The following CCDC6 variants were observed in gnomAD, a reference collection of about 807,000 sequenced individuals.
CCDC6 encodes coiled-coil domain-containing protein 6.
Under a neutral mutation model 56.6 loss-of-function variants are expected in CCDC6, and 20 were observed. The ratio of observed to expected loss-of-function variants is 0.35; its 90% CI spans 0.25 to 0.51. CCDC6 has a LOEUF of 0.51. CCDC6 is among the 20% of genes least tolerant of loss of function. CCDC6 has a pLI of 0.95. For missense variants in CCDC6, 367 were observed against 601.1 expected (o/e 0.61, Z 4.07); for synonymous variants, 241 against 234.4 (o/e 1.03, Z -0.26).
chr10:59,862,516 T>TACACACACAC lies in CCDC6; in HGVS notation c.304-9824_304-9815dup, dbSNP rs60162547. Among the ~76,000 whole-genome samples, 7 of 97,202 alleles carry TACACACACAC rather than the reference T, an allele frequency of 7.2e-5. 1 individual carries two copies. The highest frequency in any genetic ancestry group is 2.9e-4 in the East Asian group (1 of 3,504). 63.8% of individuals were successfully genotyped at this position (97,202 alleles called of 152,430 possible). ...AAAAAAAAAAGTATATATATATATA[T>TACACACACAC]ACACACACACACACACACACACACA... On this transcript the variant is annotated intron_variant, in intron 1 of 8. Transcript: ENST00000263102.
At chr10:59,877,995 G>C (rs1821088552) in intron 1 of CCDC6, among the ~76,000 whole-genome samples, 1 of 152,128 alleles carries the variant, frequency 6.6e-6, no homozygotes, top group South Asian at 2.1e-4. Context: ...TGTTAAGAGG[G>C]TACACAACTA....
At chr10:59,872,786 GT>G (rs62977560) in intron 1 of CCDC6, among the ~76,000 whole-genome samples, 64,566 of 137,216 alleles carry the variant, frequency 0.47, 16,938 homozygotes, top group East Asian at 0.72. Flanking sequence ...AGATGGGGGG[GT>G]GGGGGAAGGT....
intron 7 of CCDC6, among the ~76,000 whole-genome samples, chr10:59,796,142 T>C (rs189320288): frequency 3.4e-4 from 52 of 152,300 alleles, no homozygotes; most frequent in African/African-American, 1.2e-3. Flanking sequence ...GCACCTGTTG[T>C]TTCCTGACTT....
At chr10:59,877,980 G>GT (rs2071299103) in intron 1 of CCDC6, among the ~76,000 whole-genome samples, 1 of 152,182 alleles carries the variant, frequency 6.6e-6, no homozygotes, top group Non-Finnish European at 1.5e-5. Flanking sequence ...AAAAATACTT[G>GT]AAAGTGTTAA....
At chr10:59,882,022 GCC>G (rs1270098795) in intron 1 of CCDC6, among the ~76,000 whole-genome samples, 2 of 62,688 alleles carry the variant, frequency 3.2e-5, no homozygotes, top group Non-Finnish European at 6.2e-5. Flanking sequence ...GGAAAGGAAA[GCC>G]GCGGGGAGAA....
chr10:59,826,573 C>T (rs2070789244), intron 3 of CCDC6, among the ~76,000 whole-genome samples: 3 of 152,288 alleles, frequency 2.0e-5, no homozygotes, highest in South Asian at 4.1e-4. Context: ...AGGCCAGGGA[C>T]CTCCCATCAT....
intron 2 of CCDC6, among the ~76,000 whole-genome samples, chr10:59,837,705 C>G (rs569746195): frequency 7.2e-4 from 98 of 136,922 alleles, no homozygotes; most frequent in Admixed American, 1.7e-3. Context: ...GAGATCGCAC[C>G]ACTGCACTCT....
chr10:59,902,241 T>A (rs1013396915), intron 1 of CCDC6, among the ~76,000 whole-genome samples: 1 of 152,174 alleles, frequency 6.6e-6, no homozygotes, highest in African/African-American at 2.4e-5. Flanking sequence ...GCCGCTTACA[T>A]ACCAGAAGAG....
At chr10:59,798,124 C>T (rs1485896301) in intron 7 of CCDC6, among the ~76,000 whole-genome samples, 1 of 152,166 alleles carries the variant, frequency 6.6e-6, no homozygotes, top group Non-Finnish European at 1.5e-5. Context: ...ACCACAATAC[C>T]TTGCACAGGG....
chr10:59,798,754 G>A (rs1335649988), intron 7 of CCDC6, among the ~76,000 whole-genome samples: 1 of 152,132 alleles, frequency 6.6e-6, no homozygotes, highest in Non-Finnish European at 1.5e-5. Flanking sequence ...CACCACTTTG[G>A]GAGGCTGAGG....
chr10:59,855,350 G>A (rs993265046), intron 1 of CCDC6, among the ~76,000 whole-genome samples: 6 of 152,276 alleles, frequency 3.9e-5, no homozygotes, highest in Admixed American at 6.5e-5. Flanking sequence ...GGTGGATCAC[G>A]AGGTCAGGAG....
At chr10:59,844,426 T>TA (rs55710616) in intron 2 of CCDC6, among the ~76,000 whole-genome samples, 53,770 of 139,078 alleles carry the variant, frequency 0.39, 11,204 homozygotes, top group African/African-American at 0.55. Flanking sequence ...GGAGGAATAT[T>TA]AAAAAAAAAA....
At chr10:59,889,529 T>A (rs1227298724) in intron 1 of CCDC6, among the ~76,000 whole-genome samples, 1 of 152,116 alleles carries the variant, frequency 6.6e-6, no homozygotes, top group African/African-American at 2.4e-5. Context: ...CCAAACACAG[T>A]CAGTTCCATA....
intron 7 of CCDC6, among the ~76,000 whole-genome samples, chr10:59,803,908 T>C (rs2070597328): frequency 6.6e-6 from 1 of 152,210 alleles, no homozygotes; most frequent in African/African-American, 2.4e-5. Context: ...TTTAAACAGA[T>C]AGGCCCTGCC....
At chr10:59,832,012 A>G (rs2070839133) in intron 3 of CCDC6, among the ~76,000 whole-genome samples, 1 of 152,244 alleles carries the variant, frequency 6.6e-6, no homozygotes, top group Non-Finnish European at 1.5e-5. Context: ...AGGTCATACA[A>G]TCAGTCAGTG....
intron 1 of CCDC6, among the ~76,000 whole-genome samples, chr10:59,897,630 T>G (rs185032841): frequency 6.6e-6 from 1 of 152,258 alleles, no homozygotes; most frequent in East Asian, 1.9e-4. Context: ...TATATGAAAC[T>G]CCAGGTATAA....
intron 1 of CCDC6, among the ~76,000 whole-genome samples, chr10:59,903,883 T>C (rs1255493503): frequency 1.3e-5 from 2 of 152,142 alleles, no homozygotes; most frequent in African/African-American, 4.8e-5. Flanking sequence ...CCTCCCGCAT[T>C]ACATACCTGA....
At chr10:59,869,077 G>A (rs2071202742) in intron 1 of CCDC6, among the ~76,000 whole-genome samples, 1 of 151,966 alleles carries the variant, frequency 6.6e-6, no homozygotes, top group Non-Finnish European at 1.5e-5. Context: ...TAAAAAGAAT[G>A]CCTTTAACCT....
At position 59,874,117 on chromosome 10, in the gene CCDC6, A is replaced by T. The variant is rs577549306; in HGVS notation, c.304-21415T>A. ...TCATTTCCTTACACATTTACCTAGC[A>T]AACACACACACACACACACACACAC... On this transcript the variant is annotated intron_variant, in intron 1 of 8. Transcript: ENST00000263102. Among the ~76,000 whole-genome samples the T allele has an allele frequency of 6.7e-5, 7 of 104,920 alleles. No individual in the cohort carries two copies. The East Asian group carries it at 2.0e-3, about 30-fold the overall frequency. 68.8% of individuals were successfully genotyped at this position (104,920 alleles called of 152,430 possible).
Sources: gnomAD v4.1 joint callset for allele counts (sites outside exome capture counted in the v4.1 genomes callset) on GRCh38, gnomAD v4.1.1 for gene constraint, MANE v1.5 for transcripts, NCBI Gene and HGNC (gene_info 2026-07-23, HGNC 2026-07-21) for gene names.